Variants in ARHGAP32 observed in about 807,000 individuals in gnomAD.
ARHGAP32 encodes the protein Rho GTPase activating protein 32, also known as rho GTPase-activating protein 32.
A neutral mutation model predicts 186.5 loss-of-function variants in ARHGAP32; 51 were observed. The ratio of observed to expected loss-of-function variants is 0.27; its 90% confidence interval spans 0.22 to 0.35. The LOEUF (loss-of-function observed/expected upper bound fraction) is 0.35. Ranked by LOEUF, ARHGAP32 falls within the 10% of genes least tolerant of loss-of-function variation. The pLI is 1.00. For missense variants in ARHGAP32, 2,186 were observed against 2,623.5 expected, an observed-to-expected ratio of 0.83 and a Z score of 3.64; for synonymous variants, 950 against 964.3, an observed-to-expected ratio of 0.99 and a Z score of 0.27.
chr11:129,077,457 G>A (rs1941079268), intron 6 of ARHGAP32, among the ~76,000 whole-genome samples: 1 of 152,118 alleles, frequency 6.6e-6, no homozygotes, highest in Non-Finnish European at 1.5e-5. Flanking sequence ...TGCTGTTGAT[G>A]GGGGACAGTG....
chr11:129,233,326 T>A lies in ARHGAP32; in HGVS notation c.-5+45820A>T, dbSNP rs1390516739. On this transcript the variant is annotated intron_variant, in intron 1 of 6. Transcript: ENST00000525234. ...ACTAAGTGGGGGGTACATAGGAGTT[T>A]ATTATATTCTACATTTACTTTTGTA... 2.0e-5 allele frequency among the ~76,000 whole-genome samples: 3 copies of A among 152,164 alleles called. No homozygotes were observed. The East Asian group carries it at 5.8e-4, about 29-fold the overall frequency.
intron 11 of ARHGAP32, among the ~76,000 whole-genome samples, chr11:129,034,811 C>A (rs1591551133): frequency 7.2e-6 from 1 of 138,020 alleles, no homozygotes. Flanking sequence ...CAGAGCGAAA[C>A]TGTCTCAAAA....
chr11:129,080,683 A>C (rs962643818), intron 6 of ARHGAP32, among the ~76,000 whole-genome samples: 1 of 152,104 alleles, frequency 6.6e-6, no homozygotes, highest in Non-Finnish European at 1.5e-5. Flanking sequence ...CTAAGGTCAC[A>C]CTTCAAGGAA....
At chr11:129,253,999 C>G (rs1945221281) in intron 1 of ARHGAP32, among the ~76,000 whole-genome samples, 1 of 152,040 alleles carries the variant, frequency 6.6e-6, no homozygotes, top group South Asian at 2.1e-4. Context: ...GTTAACTGTT[C>G]AAGTTTAATT....
chr11:129,124,661 G>C (rs1343863390), intron 3 of ARHGAP32, 142 bp downstream of exon 3: 1 of 576,188 alleles, frequency 1.7e-6, no homozygotes, highest in African/African-American at 1.9e-5. Context: ...TCCACTGACT[G>C]CTGAGTCATA....
At chr11:128,983,202 TG>T (rs2136109711) in intron 15 of ARHGAP32, among the ~76,000 whole-genome samples, 1 of 152,262 alleles carries the variant, frequency 6.6e-6, no homozygotes, top group Non-Finnish European at 1.5e-5. Flanking sequence ...GCAGTGGCAG[TG>T]CTGCATTTCA....
chr11:129,143,235 T>G (rs1423992942), intron 2 of ARHGAP32, among the ~76,000 whole-genome samples: 1 of 152,090 alleles, frequency 6.6e-6, no homozygotes, highest in African/African-American at 2.4e-5. Flanking sequence ...ACCATTGGTC[T>G]AAGTATTGTC....
At chr11:128,994,351 C>T (rs1342322719) in intron 12 of ARHGAP32, among the ~76,000 whole-genome samples, 1 of 151,796 alleles carries the variant, frequency 6.6e-6, no homozygotes, top group African/African-American at 2.4e-5. Flanking sequence ...GACAGGGTTT[C>T]ACCATATTGG....
Position 129,052,484 on chromosome 11 carries a change from G to A in ARHGAP32, c.963+9796C>T, listed in dbSNP as rs553568116. Among the ~76,000 whole-genome samples the A allele has an allele frequency of 1.2e-4, 18 of 152,234 alleles. No individual in the cohort carries two copies. In the South Asian group the frequency reaches 2.9e-3, roughly 25 times the overall value. On this transcript the variant is annotated intron_variant, in intron 10 of 22. Coordinates refer to ENST00000682385, the MANE Select transcript of ARHGAP32 (RefSeq NM_001378024.1). ...GACTTAGATCAATATGGGAAGAAAC[G>A]TCATCTTAAAAAATATACAGTCTTC...
chr11:129,160,784 C>G (rs1459239536), intron 2 of ARHGAP32, among the ~76,000 whole-genome samples: 1 of 152,168 alleles, frequency 6.6e-6, no homozygotes, highest in East Asian at 1.9e-4. Context: ...CATTGACTTT[C>G]TTCACAGAAT....
intron 5 of ARHGAP32, 84 bp from the exon 6 acceptor site, chr11:129,093,791 G>T (rs1165297956): frequency 2.2e-6 from 2 of 917,896 alleles, no homozygotes; most frequent in African/African-American, 3.3e-5. Context: ...AATACCTGGA[G>T]CATCATCTCC....
intron 11 of ARHGAP32, among the ~76,000 whole-genome samples, chr11:129,027,955 C>T (rs1421493737): frequency 1.3e-5 from 2 of 152,224 alleles, no homozygotes; most frequent in South Asian, 4.1e-4. Flanking sequence ...TGGCCAAAAG[C>T]GGAAAAGCCT....
intron 5 of ARHGAP32, among the ~76,000 whole-genome samples, chr11:129,110,970 A>G (rs1458518654): frequency 3.9e-5 from 6 of 152,188 alleles, no homozygotes; most frequent in African/African-American, 7.2e-5. Flanking sequence ...TACGTTGAAC[A>G]GGAGTGGAAA....
rs1361728531 is a variant in ARHGAP32, at chr11:129,139,698, G to C, written c.226-14804C>G. On this transcript the variant is annotated intron_variant, in intron 2 of 22. Transcript: ENST00000682385. ...CCTGCCGCCATCCATGTTAAGACAT[G>C]ACTTGCTCCTCCTTGCCTTCCGCCA... Among the ~76,000 whole-genome samples, 3 of 152,172 alleles carry C rather than the reference G, an allele frequency of 2.0e-5. 1 individual carries two copies. Among genetic ancestry groups the C allele is most frequent in the Admixed American group, 2.0e-4 (3 of 15,272 alleles).
rs548322754 is a variant in ARHGAP32 at position 129,081,022 on chromosome 11, C to T, written c.531+12599G>A. Among the ~76,000 whole-genome samples the T allele has an allele frequency of 3.8e-3, 576 of 152,036 alleles. 2 individuals carry two copies. Among genetic ancestry groups the T allele is most frequent in the African/African-American group, 0.013 (551 of 41,522 alleles). Reference sequence around the variant, plus strand: ...AAACCTAGAGGAGATGGATACATTCCTGGAAATATATTATACAACCCTCCT... The same window carrying T: ...AAACCTAGAGGAGATGGATACATTCTTGGAAATATATTATACAACCCTCCT... On this transcript the variant is annotated intron_variant, in intron 6 of 22. Coordinates refer to ENST00000682385, the MANE Select transcript of ARHGAP32 (RefSeq NM_001378024.1).
chr11:128,974,791 A>G lies in ARHGAP32; in HGVS notation c.2406T>C (p.Ile802=), dbSNP rs1435553743. The G allele has an allele frequency of 6.2e-7, 1 of 1,614,130 alleles. No individual in the cohort carries two copies. The highest frequency in any genetic ancestry group is 2.2e-5 in the East Asian group (1 of 44,886). Residue 802 remains isoleucine (I), a synonymous_variant, in exon 21 of 23, where the codon ATT becomes ATC. Transcript: ENST00000682385. The part of the protein sequence containing the change: ...AEDVDLSPPD[I]GVASLDFDPM... ...GATCAAAATCCAGGCTGGCTACTCC[A>G]ATGTCTGGTGGGCTCAAGTCAACAT...
intron 1 of ARHGAP32, among the ~76,000 whole-genome samples, chr11:129,180,729 T>A (rs915767216): frequency 2.6e-5 from 4 of 152,118 alleles, no homozygotes; most frequent in Non-Finnish European, 5.9e-5. Flanking sequence ...CTGCCAACCA[T>A]AATACCTAAG....
chr11:129,136,868 T>C (rs2135417329), intron 2 of ARHGAP32, among the ~76,000 whole-genome samples: 3 of 152,186 alleles, frequency 2.0e-5, no homozygotes, highest in African/African-American at 7.2e-5. Flanking sequence ...CTCTGCTCTT[T>C]CTTGTATCTT....
intron 1 of ARHGAP32, among the ~76,000 whole-genome samples, chr11:129,179,578 A>C (rs1363891808): frequency 2.0e-5 from 3 of 151,658 alleles, no homozygotes; most frequent in Non-Finnish European, 2.9e-5. Context: ...GATTAAGAAA[A>C]TGTGGCACAT....
Sources: allele counts gnomAD v4.1 joint callset (sites outside exome capture counted in the v4.1 genomes callset), GRCh38; gene constraint gnomAD v4.1.1; transcripts MANE v1.5; gene names NCBI Gene and HGNC (gene_info 2026-07-23, HGNC 2026-07-21).